KCNN2: variants seen among roughly 807,000 people sequenced by gnomAD.
KCNN2 encodes the protein small conductance calcium-activated potassium channel protein 2.
KCNN2 carries 24 observed loss-of-function variants against 55.5 expected under a neutral mutation model. The ratio of observed to expected loss-of-function variants is 0.43; its 90% CI spans 0.31 to 0.61. The LOEUF (loss-of-function observed/expected upper bound fraction) is 0.61, where lower values mean the gene tolerates loss of function less well. KCNN2 is among the 20% of genes least tolerant of loss of function. KCNN2 has a pLI of 0.08. For synonymous variants in KCNN2, 431 were observed against 336.1 expected, an observed-to-expected ratio of 1.28 and a Z score of -3.09; for missense variants, 754 against 853.6, an observed-to-expected ratio of 0.88 and a Z score of 1.45.
intron 2 of KCNN2, among the ~76,000 whole-genome samples, chr5:114,316,125 G>T (rs975073052): frequency 1.3e-5 from 2 of 152,086 alleles, no homozygotes; most frequent in Non-Finnish European, 2.9e-5. Flanking sequence ...ACCTGTTTTA[G>T]CATATCTTCC....
intron 6 of KCNN2, among the ~76,000 whole-genome samples, chr5:114,492,447 G>A (rs1345777908): frequency 1.3e-5 from 2 of 151,960 alleles, no homozygotes; most frequent in East Asian, 3.8e-4. Context: ...CTTCTCTTTT[G>A]GGAAAAAGCT....
intron 2 of KCNN2, among the ~76,000 whole-genome samples, chr5:114,281,839 AG>A (rs1161553618): frequency 1.3e-5 from 2 of 152,076 alleles, no homozygotes; most frequent in Admixed American, 1.3e-4. Flanking sequence ...TCTATGGTCA[AG>A]GTTGTAATTC....
intron 1 of KCNN2, among the ~76,000 whole-genome samples, chr5:114,202,565 G>A (rs1182951411): frequency 1.1e-5 from 1 of 92,080 alleles, no homozygotes; most frequent in African/African-American, 3.9e-5. Flanking sequence ...ATATATGTGT[G>A]TGTATATATA....
chr5:114,199,588 T>C (rs1753628849), intron 1 of KCNN2, among the ~76,000 whole-genome samples: 1 of 146,526 alleles, frequency 6.8e-6, no homozygotes, highest in African/African-American at 2.5e-5. Context: ...TGTGTGATTG[T>C]TTTATATGAA....
At chr5:114,179,702 T>G (rs1753203689) in intron 1 of KCNN2, among the ~76,000 whole-genome samples, 1 of 152,100 alleles carries the variant, frequency 6.6e-6, no homozygotes, top group Admixed American at 6.6e-5. Context: ...CAATCATCAC[T>G]CCCACAGCAA....
chr5:114,356,910 G>A (rs868675511), intron 2 of KCNN2, among the ~76,000 whole-genome samples: 7 of 152,164 alleles, frequency 4.6e-5, no homozygotes, highest in Middle Eastern at 6.8e-3. Flanking sequence ...GGAAATAAAT[G>A]ATACTATCCT....
chr5:114,473,237 A>G, intron 5 of KCNN2, 73 bp downstream of exon 5: 1 of 969,418 alleles, frequency 1.0e-6, no homozygotes, highest in Non-Finnish European at 1.6e-6. Flanking sequence ...TATGGTTTTT[A>G]TTTTGACATC....
In KCNN2 at chr5:114,188,429, T is replaced by C. The variant is rs140813470; in HGVS notation, c.-270-33051T>C. Among the ~76,000 whole-genome samples the C allele has an allele frequency of 2.7e-3, 417 of 152,298 alleles. 3 individuals are homozygous for C. The Middle Eastern group carries it at 0.031, about 11-fold the overall frequency. ...TTCTGTGTCTCAAAAAGCTAGGGCA[T>C]TGATAATAAGCCAGTATGAAAATAT... is the stretch of plus-strand genomic sequence containing the variant. On this transcript the variant is annotated intron_variant, in intron 1 of 10. Coordinates refer to the KCNN2 transcript ENST00000512097.
At chr5:114,072,831 G>C (rs753130944) in intron 1 of KCNN2, among the ~76,000 whole-genome samples, 1 of 152,126 alleles carries the variant, frequency 6.6e-6, no homozygotes, top group South Asian at 2.1e-4. Flanking sequence ...TTATAAGGTA[G>C]CTATGAATAT....
intron 2 of KCNN2, among the ~76,000 whole-genome samples, chr5:114,269,592 A>C (rs1748076298): frequency 6.6e-6 from 1 of 151,978 alleles, no homozygotes; most frequent in Non-Finnish European, 1.5e-5. Context: ...TTGCACATGC[A>C]AACAAACTCC....
At chr5:114,168,700 T>A in intron 1 of KCNN2, among the ~76,000 whole-genome samples, 1 of 152,162 alleles carries the variant, frequency 6.6e-6, no homozygotes, top group South Asian at 2.1e-4. Flanking sequence ...TTCTGCAGCG[T>A]GTAGCAAAAC....
chr5:114,109,123 T>C (rs1041587352), intron 1 of KCNN2, among the ~76,000 whole-genome samples: 3 of 151,996 alleles, frequency 2.0e-5, no homozygotes, highest in Admixed American at 6.6e-5. Flanking sequence ...GATGCTCAAA[T>C]GGGGAAGGAT....
At chr5:114,358,198 C>T (rs1317495648), upstream of KCNN2, among the ~76,000 whole-genome samples, 4 of 151,872 alleles carry the variant, frequency 2.6e-5, no homozygotes, top group African/African-American at 4.8e-5. Flanking sequence ...AGAAAATTTT[C>T]GCAACCTACT....
intron 2 of KCNN2, among the ~76,000 whole-genome samples, chr5:114,308,420 A>G (rs746660633): frequency 2.0e-5 from 3 of 152,222 alleles, no homozygotes; most frequent in Non-Finnish European, 2.9e-5. Context: ...AAGAGAGACT[A>G]TACAATATTG....
At chr5:114,127,497 C>T (rs1197587316) in intron 1 of KCNN2, among the ~76,000 whole-genome samples, 1 of 152,152 alleles carries the variant, frequency 6.6e-6, no homozygotes, top group African/African-American at 2.4e-5. Context: ...TGCAGGGCAC[C>T]AAGTCGCTAG....
intron 2 of KCNN2, among the ~76,000 whole-genome samples, chr5:114,392,414 A>T (rs767195208): frequency 6.6e-5 from 10 of 152,100 alleles, no homozygotes; most frequent in Non-Finnish European, 1.0e-4. Context: ...TTCAGTGATT[A>T]ATACTTAATT....
At position 114,146,627 on chromosome 5, in the gene KCNN2, G is replaced by C. The variant is rs138243944; in HGVS notation, c.-270-74853G>C. Among the ~76,000 whole-genome samples the C allele has an allele frequency of 8.5e-5, 13 of 152,260 alleles. No individual in the cohort carries two copies. In the East Asian group the frequency reaches 2.3e-3, roughly 27 times the overall value. ...ACATGAGTAATATCAATTTGCCAAA[G>C]AGCATTAGGAGAAGGCCTCAGGGAT... On this transcript the variant is annotated intron_variant, in intron 1 of 10. Transcript: ENST00000512097.
At chr5:114,287,426 G>T (rs1401901822) in intron 2 of KCNN2, among the ~76,000 whole-genome samples, 2 of 152,120 alleles carry the variant, frequency 1.3e-5, no homozygotes, top group African/African-American at 2.4e-5. Context: ...CCATAGAAAA[G>T]GATGAGTTCA....
chr5:114,123,426 G>C lies in KCNN2; in HGVS notation c.-271+66926G>C, dbSNP rs1237157827. Among the ~76,000 whole-genome samples the C allele has an allele frequency of 3.4e-5, 2 of 58,454 alleles. 1 individual carries two copies. Among genetic ancestry groups the C allele is most frequent in the African/African-American group, 2.2e-4 (2 of 8,908 alleles). 38.3% of individuals were successfully genotyped at this position (58,454 alleles called of 152,430 possible). ...TGCCCAGGCTGGAGTGCAGTGGCGC[G>C]ATCTCGGCTCACTGCAAGCTCCGCC... On this transcript the variant is annotated intron_variant, in intron 1 of 10. Transcript: ENST00000512097.
Sources: allele counts gnomAD v4.1 joint callset (sites outside exome capture counted in the v4.1 genomes callset), GRCh38; gene constraint gnomAD v4.1.1; transcripts MANE v1.5; gene names NCBI Gene and HGNC (gene_info 2026-07-23, HGNC 2026-07-21).